Variants in SIAE observed in about 807,000 individuals in gnomAD.
The protein encoded by SIAE is sialic acid acetylesterase, also known as sialate O-acetylesterase.
SIAE carries 39 observed loss-of-function variants against 52.6 expected under a neutral mutation model. That is an observed-to-expected ratio of 0.74 (90% CI 0.57 to 0.97). SIAE has a LOEUF of 0.97. SIAE is among the 50% of genes least tolerant of loss of function. SIAE has a pLI of 0.00. For missense variants in SIAE, 592 were observed against 662.1 expected, an observed-to-expected ratio of 0.89 and a Z score of 1.16; for synonymous variants, 233 against 241.4, an observed-to-expected ratio of 0.97 and a Z score of 0.32.
chr11:124,635,835 G>GTAACA lies in SIAE; in HGVS notation c.*1111_*1115dup, dbSNP rs879274151. 1.3e-5 allele frequency: 2 copies of GTAACA among 152,070 alleles called. No homozygotes were observed. The highest frequency in any genetic ancestry group is 2.4e-5 in the African/African-American group (1 of 41,390). 9.4% of individuals were successfully genotyped at this position (152,070 alleles called of 1,614,324 possible). A position where few individuals can be genotyped will look rare whatever the true frequency, so the allele number is the denominator to read the frequency against. ...TTTATTTATTTCCAACTTCTTATAG[G>GTAACA]TAACATAATTTTCAGACAATGTTAG... On this transcript the variant is annotated 3_prime_UTR_variant, in exon 10 of 10. Transcript: ENST00000263593.
At position 124,669,438 on chromosome 11, in the gene SIAE, C is replaced by G; in HGVS notation, c.151G>C (p.Gly51Arg). The change falls in exon 2 of 10, where the codon GGT (glycine) becomes CGT (arginine). Residue 51 changes from glycine (G) to arginine (R), a missense_variant. Gly to Arg is a moderately radical substitution (Grantham distance 125). Coordinates refer to ENST00000263593, the MANE Select transcript of SIAE (RefSeq NM_170601.5). ...ACGGTCACTGTGGCTCCAGGTGTACCGAAGCCCCATATCACTGCCCCAGCA... is the reference window on the plus strand; with the variant it reads ...ACGGTCACTGTGGCTCCAGGTGTACGGAAGCCCCATATCACTGCCCCAGCA... ...EPAGAVIWGF[G>R]TPGATVTVTL... 2 of 1,614,100 alleles carry G rather than the reference C, an allele frequency of 1.2e-6. No homozygotes were observed. The highest frequency in any genetic ancestry group is 1.7e-6 in the Non-Finnish European group (2 of 1,179,982).
intron 1 of SIAE, among the ~76,000 whole-genome samples, chr11:124,672,712 G>A (rs1943384056): frequency 6.6e-6 from 1 of 152,170 alleles, no homozygotes; most frequent in Non-Finnish European, 1.5e-5. Context: ...CATACAGAGT[G>A]CTAGCATTTT....
At chr11:124,642,501 A>T (rs1420810524) in intron 7 of SIAE, among the ~76,000 whole-genome samples, 1 of 152,212 alleles carries the variant, frequency 6.6e-6, no homozygotes, top group Non-Finnish European at 1.5e-5. Flanking sequence ...AGTGCACTGG[A>T]GAAAAATATA....
At chr11:124,653,482 G>A (rs946792518) in intron 4 of SIAE, among the ~76,000 whole-genome samples, 1 of 152,162 alleles carries the variant, frequency 6.6e-6, no homozygotes, top group Admixed American at 6.5e-5. Flanking sequence ...GGAAAAGAAA[G>A]TACCAGGCAA....
chr11:124,654,894 A>G, intron 3 of SIAE, 101 bp from the exon 4 acceptor site: 1 of 1,396,108 alleles, frequency 7.2e-7, no homozygotes, highest in South Asian at 1.2e-5. Context: ...CTTTCAATAT[A>G]CTGAGATCAA....
chr11:124,640,083 C>G (rs1487824025), intron 7 of SIAE, among the ~76,000 whole-genome samples: 2 of 152,216 alleles, frequency 1.3e-5, no homozygotes, highest in Non-Finnish European at 2.9e-5. Context: ...CTTTGCCACA[C>G]CTCTCATCAA....
intron 7 of SIAE, 133 bp downstream of exon 7, chr11:124,647,232 G>A: frequency 1.6e-6 from 2 of 1,222,512 alleles, no homozygotes; most frequent in Non-Finnish European, 2.4e-6. Flanking sequence ...CACATTATGA[G>A]GACAAAAAAG....
rs1417822408 is a variant in SIAE, at chr11:124,636,383, G to A, written c.*568C>T. ...AAAGAAAGATTTCGGTTCCACATAA[G>A]GAAAAACTTGGAAAGTTTTGAATGG... On this transcript the variant is annotated 3_prime_UTR_variant, in exon 10 of 10. Coordinates refer to ENST00000263593, the MANE Select transcript of SIAE (RefSeq NM_170601.5). 1 of 157,078 alleles carries A rather than the reference G, an allele frequency of 6.4e-6. No homozygotes were observed. Among genetic ancestry groups the A allele is most frequent in the Non-Finnish European group, 1.4e-5 (1 of 70,652 alleles). 9.7% of individuals were successfully genotyped at this position (157,078 alleles called of 1,614,324 possible).
rs1033142247 is a variant in SIAE, at chr11:124,645,336, C to T, written c.966+2029G>A. Among the ~76,000 whole-genome samples the T allele has an allele frequency of 6.0e-5, 9 of 150,800 alleles. No homozygotes were observed. The highest frequency in any genetic ancestry group is 2.0e-4 in the African/African-American group (8 of 40,960). ...CTATATTTCTTTTTTTTTTTTGAGA[C>T]GGAGTTTCGCTCTTATTGCCCAGGC... On this transcript the variant is annotated intron_variant, in intron 7 of 9. Coordinates refer to ENST00000263593, the MANE Select transcript of SIAE (RefSeq NM_170601.5). This position sits in a 1 kb window ranked among gnomAD's most constrained non-coding sequence, Gnocchi z 4.7.
At chr11:124,646,329 AGT>A (rs1942934078) in intron 7 of SIAE, among the ~76,000 whole-genome samples, 1 of 152,204 alleles carries the variant, frequency 6.6e-6, no homozygotes, top group Non-Finnish European at 1.5e-5. Flanking sequence ...AGGGATGTTA[AGT>A]GTGACCCAGG....
rs1367505304 is a variant in SIAE, at chr11:124,670,229, A to G, written c.68-708T>C. Among the ~76,000 whole-genome samples the G allele has an allele frequency of 6.6e-6, 1 of 152,210 alleles. No homozygotes were observed. Among genetic ancestry groups the G allele is most frequent in the African/African-American group, 2.4e-5 (1 of 41,456 alleles). On this transcript the variant is annotated intron_variant, in intron 1 of 9. Transcript: ENST00000263593. The surrounding 1 kb of genome is among the most constrained non-coding windows in gnomAD (Gnocchi z 4.5). ...ATAGAAGGTCAACATGTCTGAACAA[A>G]GGTCTTCTGTCACAATTTTACCCAT...
chr11:124,636,704 T>C lies in SIAE; in HGVS notation c.*247A>G. ...GGAAGTAAATGACATTGAGGTCCAA[T>C]TTGTCTGTAGTTCAGAATTAGTCCA... is the stretch of plus-strand genomic sequence containing the variant. On this transcript the variant is annotated 3_prime_UTR_variant, in exon 10 of 10. Coordinates refer to ENST00000263593, the MANE Select transcript of SIAE (RefSeq NM_170601.5). 1 of 550,198 alleles carries C rather than the reference T, an allele frequency of 1.8e-6. No individual in the cohort carries two copies. Among genetic ancestry groups the C allele is most frequent in the Non-Finnish European group, 3.2e-6 (1 of 309,206 alleles). 34.1% of individuals were successfully genotyped at this position (550,198 alleles called of 1,614,324 possible).
chr11:124,654,323 C>A lies in SIAE; in HGVS notation c.544+332G>T, dbSNP rs187842163. ...GCCCTGAAAAGAGACCAGTTGTCTA[C>A]AGACACAGAGACAAGGGAAGAAAGA... On this transcript the variant is annotated intron_variant, in intron 4 of 9. Coordinates refer to ENST00000263593, the MANE Select transcript of SIAE (RefSeq NM_170601.5). 4.1e-4 allele frequency: 408 copies of A among 985,422 alleles called. No individual in the cohort carries two copies. In the African/African-American group the frequency reaches 6.3e-3, roughly 15 times the overall value. The allele number at this position is 985,422 out of a possible 1,614,324, so 61.0% of individuals were successfully genotyped here.
chr11:124,643,855 AT>A (rs143408463), intron 7 of SIAE, among the ~76,000 whole-genome samples: 2,050 of 151,034 alleles, frequency 0.014, 26 homozygotes, highest in Non-Finnish European at 0.02. Flanking sequence ...CAGCAACAAC[AT>A]TTTTTTTTGA....
intron 1 of SIAE, among the ~76,000 whole-genome samples, chr11:124,671,921 C>T (rs867985503): frequency 1.0e-4 from 15 of 148,518 alleles, no homozygotes; most frequent in African/African-American, 3.4e-4. Flanking sequence ...GCCACCACAC[C>T]TGGCTAATTC....
intron 7 of SIAE, among the ~76,000 whole-genome samples, chr11:124,646,908 A>ATTG (rs1942943624): frequency 6.6e-6 from 1 of 152,246 alleles, no homozygotes; most frequent in African/African-American, 2.4e-5. Flanking sequence ...AACTGCATTG[A>ATTG]AGATTAATAT....
chr11:124,639,728 CTA>C lies in SIAE; in HGVS notation c.1104_1105del (p.Asp368GlufsTer13). ...ATCATACCTGCCAAAAGGCGAGTCT[CTA>C]TCACAGAGATCCATAGCTACAGCCA... is the stretch of plus-strand genomic sequence containing the variant. On this transcript the variant is annotated frameshift_variant, in exon 8 of 10. Transcript: ENST00000263593. LOFTEE classifies it high-confidence loss of function. 2 of 1,614,130 alleles carry C rather than the reference CTA, an allele frequency of 1.2e-6. No homozygotes were observed. The highest frequency in any genetic ancestry group is 1.7e-6 in the Non-Finnish European group (2 of 1,179,986).
intron 7 of SIAE, among the ~76,000 whole-genome samples, chr11:124,643,353 C>T (rs1241964217): frequency 6.6e-6 from 1 of 152,030 alleles, no homozygotes; most frequent in Non-Finnish European, 1.5e-5. Context: ...CCTCAGCACA[C>T]GGGGACCCAC....
At position 124,654,610 on chromosome 11, in the gene SIAE, G is replaced by A. The variant is rs115339254; in HGVS notation, c.544+45C>T. On this transcript the variant is annotated intron_variant, in intron 4 of 9. Transcript: ENST00000263593. ...CAGTCTTACAGATTCCACTTAGGGC[G>A]CTAACCCATTATATAAGAGACAGCA... 1.5e-3 allele frequency: 2,365 copies of A among 1,613,654 alleles called. 23 individuals carry two copies. In the African/African-American group the frequency reaches 0.022, roughly 15 times the overall value.
Sources: allele counts gnomAD v4.1 joint callset (sites outside exome capture counted in the v4.1 genomes callset), GRCh38; gene constraint gnomAD v4.1.1; non-coding constraint Gnocchi (gnomAD v3.1); transcripts MANE v1.5; gene names NCBI Gene and HGNC (gene_info 2026-07-23, HGNC 2026-07-21).